Variants in DNAJB4 observed in about 807,000 individuals in gnomAD.
DNAJB4 encodes the protein dnaJ homolog subfamily B member 4.
A neutral mutation model predicts 26.6 loss-of-function variants in DNAJB4; 10 were observed. The observed-to-expected ratio is 0.38, with a 90% CI of 0.23 to 0.64. DNAJB4 has a LOEUF of 0.64. DNAJB4 is among the 30% of genes least tolerant of loss of function. The pLI is 0.58. For synonymous variants in DNAJB4, 136 were observed against 134.8 expected, an observed-to-expected ratio of 1.01 and a Z score of -0.06; for missense variants, 328 against 408.2, an observed-to-expected ratio of 0.80 and a Z score of 1.69.
At chr1:77,986,258 A>G (rs1659787414) in intron 1 of DNAJB4, among the ~76,000 whole-genome samples, 1 of 152,194 alleles carries the variant, frequency 6.6e-6, no homozygotes, top group Admixed American at 6.5e-5. Context: ...TGCATAAAAT[A>G]ATGTGTGCCA....
rs766895359 is a variant in DNAJB4 at position 78,013,248 on chromosome 1, T to C, written c.409T>C (p.Phe137Leu). ...TGGTGATCCTTTTAGTGCCTTTGGT[T>C]TCAGCATGAATGGATATCCAAGAGA... The part of the protein sequence containing the change: ...IDGDPFSAFG[F>L]SMNGYPRDRN... The change falls in exon 2 of 3, where the codon TTC becomes CTC. Residue 137 changes from phenylalanine (F) to leucine (L), a missense_variant. Phe to Leu is a conservative substitution (Grantham distance 22, BLOSUM62 0). Transcript: ENST00000370763. 2.4e-5 allele frequency: 38 copies of C among 1,614,064 alleles called. No homozygotes were observed. The highest frequency in any genetic ancestry group is 3.2e-5 in the Non-Finnish European group (38 of 1,180,032).
intron 1 of DNAJB4, among the ~76,000 whole-genome samples, chr1:77,987,218 C>G (rs964478313): frequency 6.6e-6 from 1 of 152,110 alleles, no homozygotes; most frequent in Non-Finnish European, 1.5e-5. Context: ...ATCTATGATT[C>G]TAGTAATTTC....
intron 1 of DNAJB4, among the ~76,000 whole-genome samples, chr1:78,007,569 AG>A (rs1660362024): frequency 6.6e-6 from 1 of 152,228 alleles, no homozygotes; most frequent in African/African-American, 2.4e-5. Flanking sequence ...CGACAGAGCG[AG>A]ACCTCATCTC....
chr1:77,983,321 T>C lies in DNAJB4; in HGVS notation c.-32+2999T>C, dbSNP rs1458947003. Among the ~76,000 whole-genome samples, 4 of 152,314 alleles carry C rather than the reference T, an allele frequency of 2.6e-5. No individual in the cohort carries two copies. The South Asian group carries it at 6.2e-4, about 24-fold the overall frequency. On this transcript the variant is annotated intron_variant, in intron 1 of 2. Transcript: ENST00000426517. The stretch of plus-strand genomic sequence containing the variant: ...TCGGGTTTTATACCGAGACATTCCA[T>C]TGCCCAGGGATGGGCAGGAGACAGA...
chr1:78,009,817 G>T (rs112847391), intron 1 of DNAJB4, among the ~76,000 whole-genome samples: 1 of 152,110 alleles, frequency 6.6e-6, no homozygotes, highest in African/African-American at 2.4e-5. Flanking sequence ...GTAGAGACGA[G>T]GTTTCACCAT....
chr1:77,987,593 C>A (rs539714885), intron 1 of DNAJB4, among the ~76,000 whole-genome samples: 116 of 152,176 alleles, frequency 7.6e-4, no homozygotes, highest in Non-Finnish European at 1.4e-3. Flanking sequence ...ATATTGAACT[C>A]CTCAGTTTCT....
upstream of DNAJB4, among the ~76,000 whole-genome samples, chr1:78,002,652 G>A (rs1660218655): frequency 6.6e-6 from 1 of 152,074 alleles, no homozygotes; most frequent in Non-Finnish European, 1.5e-5. Flanking sequence ...AGCTATAAGT[G>A]TGCAAGTATC....
At chr1:77,993,184 C>G (rs904818982) in intron 1 of DNAJB4, among the ~76,000 whole-genome samples, 1 of 152,186 alleles carries the variant, frequency 6.6e-6, no homozygotes, top group African/African-American at 2.4e-5. Flanking sequence ...AAGGGCCAGA[C>G]GGTAACTATT....
intron 2 of DNAJB4, 84 bp from the exon 3 acceptor site, chr1:78,015,927 GTAT>G: frequency 9.2e-7 from 1 of 1,085,110 alleles, no homozygotes; most frequent in South Asian, 1.6e-5. Context: ...TACCTTAGTG[GTAT>G]TATCCTTTAC....
intron 1 of DNAJB4, among the ~76,000 whole-genome samples, chr1:78,009,942 TTAGAG>T (rs1445266176): frequency 2.6e-5 from 4 of 151,790 alleles, no homozygotes. Context: ...TTTTCATTCA[TTAGAG>T]TAGCTTCGTT....
intron 1 of DNAJB4, among the ~76,000 whole-genome samples, chr1:77,983,210 T>C (rs1453570926): frequency 1.3e-5 from 2 of 152,234 alleles, no homozygotes; most frequent in Non-Finnish European, 2.9e-5. Flanking sequence ...AACATCTCAA[T>C]GCTTTACAAA....
upstream of DNAJB4, among the ~76,000 whole-genome samples, chr1:77,979,875 A>AG (rs1019348039): frequency 7.4e-5 from 11 of 147,826 alleles, no homozygotes; most frequent in Admixed American, 2.0e-4. Flanking sequence ...ATTTTTATTA[A>AG]GGGTTTTTTT....
At position 78,005,162 on chromosome 1, in the gene DNAJB4, G is replaced by A. The variant is rs754621075; in HGVS notation, c.52G>A (p.Glu18Lys). Residue 18 changes from glutamate to lysine, a missense_variant, in exon 1 of 3, where the codon GAA becomes AAA. Coordinates refer to ENST00000370763, the MANE Select transcript of DNAJB4 (RefSeq NM_007034.5). Reference protein sequence around the residue: ...ILGIEKGASDEDIKKAYRKQA... With the variant: ...ILGIEKGASDKDIKKAYRKQA... The stretch of plus-strand genomic sequence containing the variant: ...GGGAATTGAGAAAGGAGCTTCAGAT[G>A]AAGATATTAAAAAGGCTTACCGAAA... 1.9e-6 allele frequency: 3 copies of A among 1,614,006 alleles called. No homozygotes were observed. Among genetic ancestry groups the A allele is most frequent in the African/African-American group, 2.7e-5 (2 of 74,928 alleles).
chr1:77,983,321 T>G (rs1458947003), intron 1 of DNAJB4, among the ~76,000 whole-genome samples: 1 of 152,196 alleles, frequency 6.6e-6, no homozygotes, highest in Non-Finnish European at 1.5e-5. Context: ...AGACATTCCA[T>G]TGCCCAGGGA....
At chr1:77,999,799 A>G (rs1430603279) in intron 1 of DNAJB4, among the ~76,000 whole-genome samples, 3 of 152,332 alleles carry the variant, frequency 2.0e-5, no homozygotes, top group South Asian at 4.1e-4. Flanking sequence ...AAGTGGGAGA[A>G]CTGAGATTAG....
intron 1 of DNAJB4, among the ~76,000 whole-genome samples, chr1:77,998,049 A>G (rs138931449): frequency 0.012 from 1,796 of 152,318 alleles, 33 homozygotes; most frequent in African/African-American, 0.042. Context: ...TGCTGGGATT[A>G]CAGGCGTGAG....
upstream of DNAJB4, among the ~76,000 whole-genome samples, chr1:78,002,692 G>A (rs1022419813): frequency 6.6e-6 from 1 of 152,046 alleles, no homozygotes; most frequent in Non-Finnish European, 1.5e-5. Flanking sequence ...TAGCCAGATT[G>A]TTGTATTAAT....
At position 78,013,346 on chromosome 1, in the gene DNAJB4, A is replaced by C. The variant is rs768397686; in HGVS notation, c.507A>C (p.Glu169Asp). ...PVIHELRVSL[E>D]EIYSGCTKRM... ...TTCATGAACTTAGAGTATCACTTGA[A>C]GAGATATATAGTGGTTGTACCAAAC... Residue 169 changes from glutamate to aspartate, a missense_variant, in exon 2 of 3, where the codon GAA becomes GAC. Transcript: ENST00000370763. 3.7e-6 allele frequency: 6 copies of C among 1,614,084 alleles called. No individual in the cohort carries two copies. The African/African-American group carries it at 6.7e-5, about 18-fold the overall frequency.
At chr1:77,985,574 T>G (rs1659772529) in intron 1 of DNAJB4, among the ~76,000 whole-genome samples, 1 of 152,162 alleles carries the variant, frequency 6.6e-6, no homozygotes, top group African/African-American at 2.4e-5. Context: ...TTTAAAAAAT[T>G]TATGTGCATA....
Sources: gnomAD v4.1 joint callset for allele counts (sites outside exome capture counted in the v4.1 genomes callset) on GRCh38, gnomAD v4.1.1 for gene constraint, MANE v1.5 for transcripts, NCBI Gene and HGNC (gene_info 2026-07-23, HGNC 2026-07-21) for gene names.